ROBO1: variants seen among roughly 807,000 people sequenced by gnomAD.
ROBO1 encodes roundabout guidance receptor 1.
A neutral mutation model predicts 195.9 loss-of-function variants in ROBO1; 149 were observed. The observed-to-expected ratio is 0.76, with a 90% CI of 0.67 to 0.87. The LOEUF (loss-of-function observed/expected upper bound fraction) is 0.87. ROBO1 is among the 40% of genes least tolerant of loss of function. ROBO1 has a pLI of 0.00. For missense variants in ROBO1, 1,933 were observed against 2,068.3 expected (o/e 0.93, Z 1.27); for synonymous variants, 816 against 733.2 (o/e 1.11, Z -1.82).
chr3:79,036,641 C>T lies in ROBO1; in HGVS notation c.172+88815G>A, dbSNP rs115881618. Among the ~76,000 whole-genome samples the T allele has an allele frequency of 7.8e-4, 119 of 151,982 alleles. 2 individuals carry two copies. The highest frequency in any genetic ancestry group is 2.8e-3 in the African/African-American group (117 of 41,474). Reference sequence around the variant, plus strand: ...CAAGCATAGTAAAATTATCAGTTTCCTTTATTCTTCCTTTCTGGAAAAAAA... The same window carrying T: ...CAAGCATAGTAAAATTATCAGTTTCTTTTATTCTTCCTTTCTGGAAAAAAA... On this transcript the variant is annotated intron_variant, in intron 3 of 30. Transcript: ENST00000464233.
intron 3 of ROBO1, among the ~76,000 whole-genome samples, chr3:79,087,844 T>G (rs907687755): frequency 6.6e-6 from 1 of 152,136 alleles, no homozygotes; most frequent in Non-Finnish European, 1.5e-5. Context: ...ACAATATTGA[T>G]AACTGTTTAT....
intron 10 of ROBO1, among the ~76,000 whole-genome samples, chr3:78,675,357 G>A (rs1291000916): frequency 1.3e-5 from 2 of 152,128 alleles, no homozygotes; most frequent in Admixed American, 1.3e-4. Context: ...GCCGAAGCAG[G>A]GCGAGGCATT....
chr3:79,038,423 T>A (rs2078421025), intron 3 of ROBO1, among the ~76,000 whole-genome samples: 1 of 152,176 alleles, frequency 6.6e-6, no homozygotes, highest in Admixed American at 6.5e-5. Context: ...CCCCTGATTC[T>A]CACACTGCCA....
At chr3:79,023,903 G>C (rs2078153811) in intron 3 of ROBO1, among the ~76,000 whole-genome samples, 1 of 150,814 alleles carries the variant, frequency 6.6e-6, no homozygotes, top group East Asian at 2.0e-4. Context: ...GTAGAGACGG[G>C]GTTTCACTAT....
chr3:79,550,168 G>GAAAGAAAGAAAGAAAGAAAGAAAGAAAGA (rs1394247494), intron 2 of ROBO1, among the ~76,000 whole-genome samples: 7 of 96,912 alleles, frequency 7.2e-5, no homozygotes, highest in South Asian at 6.8e-4. Flanking sequence ...AGAAAGAAAG[G>GAAAGAAAGAAAGAAAGAAAGAAAGAAAGA]AAGAAAGAAA....
chr3:78,954,991 C>T (rs1298330756), intron 3 of ROBO1, among the ~76,000 whole-genome samples: 8 of 144,362 alleles, frequency 5.5e-5, no homozygotes, highest in African/African-American at 1.5e-4. Flanking sequence ...GGGTCATGTG[C>T]AGGTTGGTTA....
chr3:79,603,888 T>C (rs1386763643), intron 1 of ROBO1, among the ~76,000 whole-genome samples: 1 of 151,858 alleles, frequency 6.6e-6, no homozygotes, highest in East Asian at 1.9e-4. Flanking sequence ...GGGGATAAAG[T>C]AAAAAGAGAA....
chr3:79,116,529 T>C lies in ROBO1; in HGVS notation c.172+8927A>G, dbSNP rs181980186. Among the ~76,000 whole-genome samples the C allele has an allele frequency of 5.1e-4, 76 of 148,720 alleles. No individual in the cohort carries two copies. The East Asian group carries it at 0.013, about 25-fold the overall frequency. ...TTCTTTTCTTTCTCTCTTTCTTCTT[T>C]TTTTTTTTTTTTGACAGTCTCACTT... is the stretch of plus-strand genomic sequence containing the variant. On this transcript the variant is annotated intron_variant, in intron 3 of 30. Transcript: ENST00000464233.
chr3:78,944,603 G>C (rs1398142370), intron 3 of ROBO1, among the ~76,000 whole-genome samples: 1 of 152,258 alleles, frequency 6.6e-6, no homozygotes, highest in Non-Finnish European at 1.5e-5. Context: ...GAAGACCAGT[G>C]ATTTCTGCAT....
At chr3:78,902,435 G>T (rs1020000804) in intron 4 of ROBO1, among the ~76,000 whole-genome samples, 1 of 151,644 alleles carries the variant, frequency 6.6e-6, no homozygotes, top group Non-Finnish European at 1.5e-5. Context: ...ATGCTCTATG[G>T]GCTTTGATAC....
chr3:79,484,755 C>CTT (rs1158213253), intron 2 of ROBO1, among the ~76,000 whole-genome samples: 1,644 of 66,848 alleles, frequency 0.025, 316 homozygotes, highest in African/African-American at 0.083. Flanking sequence ...ATTGCACTAT[C>CTT]TTTTTTTTTT....
chr3:79,684,418 ATATTCTC>A (rs1947039672), intron 1 of ROBO1, among the ~76,000 whole-genome samples: 1 of 151,448 alleles, frequency 6.6e-6, no homozygotes, highest in East Asian at 1.9e-4. Flanking sequence ...TTCTTTACCT[ATATTCTC>A]TAGTTAGTGA....
At chr3:79,466,215 T>C (rs893175231) in intron 2 of ROBO1, among the ~76,000 whole-genome samples, 27 of 152,172 alleles carry the variant, frequency 1.8e-4, no homozygotes, top group Admixed American at 5.2e-4. Flanking sequence ...ATACAGACTA[T>C]AATTAGTGAC....
At chr3:78,674,997 A>C (rs1708310452) in intron 10 of ROBO1, among the ~76,000 whole-genome samples, 1 of 152,242 alleles carries the variant, frequency 6.6e-6, no homozygotes, top group East Asian at 1.9e-4. Flanking sequence ...AGACATTATA[A>C]AAATATTTTA....
intron 1 of ROBO1, among the ~76,000 whole-genome samples, chr3:79,631,786 A>G (rs553107416): frequency 6.6e-6 from 1 of 152,130 alleles, no homozygotes; most frequent in Non-Finnish European, 1.5e-5. Context: ...TAAGAGAAAA[A>G]ACAAGTAAAC....
chr3:79,466,023 A>G (rs1937937454), intron 2 of ROBO1, among the ~76,000 whole-genome samples: 1 of 151,178 alleles, frequency 6.6e-6, no homozygotes. Context: ...AGTATTTTCA[A>G]TCTCCTTTAA....
chr3:78,696,704 A>G (rs1045043397), intron 8 of ROBO1, among the ~76,000 whole-genome samples: 20 of 147,916 alleles, frequency 1.4e-4, no homozygotes, highest in Admixed American at 1.2e-3. Flanking sequence ...ATATATACAC[A>G]TATATATACA....
intron 2 of ROBO1, among the ~76,000 whole-genome samples, chr3:79,307,586 T>A (rs2033281405): frequency 6.6e-6 from 1 of 152,080 alleles, no homozygotes; most frequent in Non-Finnish European, 1.5e-5. Context: ...GATGAAATTA[T>A]GAAATCACTA....
chr3:79,717,274 GA>G (rs1702528603), intron 1 of ROBO1, among the ~76,000 whole-genome samples: 1 of 151,802 alleles, frequency 6.6e-6, no homozygotes, highest in African/African-American at 2.4e-5. Context: ...TTTCTGAAGA[GA>G]ATACAGTTTT....
Sources: allele counts gnomAD v4.1 joint callset (sites outside exome capture counted in the v4.1 genomes callset), GRCh38; gene constraint gnomAD v4.1.1; transcripts MANE v1.5; gene names NCBI Gene and HGNC (gene_info 2026-07-23, HGNC 2026-07-21).